The following CHODL variants were observed in gnomAD, a reference collection of about 807,000 sequenced individuals.
CHODL encodes the protein transmembrane protein MT75.
Under a neutral mutation model 34.5 loss-of-function variants are expected in CHODL, and 29 were observed. The ratio of observed to expected loss-of-function variants is 0.84; its 90% CI spans 0.63 to 1.15. The LOEUF is 1.15. CHODL is among the 50% of genes most tolerant of loss of function. The pLI is 0.00. For synonymous variants in CHODL, 125 were observed against 116.1 expected (o/e 1.08, Z -0.49); for missense variants, 332 against 332.5 (o/e 1.00, Z 0.01).
intron 2 of CHODL, among the ~76,000 whole-genome samples, chr21:18,107,934 G>A (rs2065293967): frequency 6.6e-6 from 1 of 152,194 alleles, no homozygotes; most frequent in Non-Finnish European, 1.5e-5. Context: ...TGGAAAAGAT[G>A]ACCTTTGCAT....
At chr21:17,926,760 G>GTTA (rs1420883075) in intron 1 of CHODL, among the ~76,000 whole-genome samples, 11 of 152,064 alleles carry the variant, frequency 7.2e-5, no homozygotes, top group African/African-American at 2.2e-4. Flanking sequence ...TGGGGACACA[G>GTTA]CCAAACCATA....
intron 2 of CHODL, among the ~76,000 whole-genome samples, chr21:18,108,861 GTGTGTGTGTGT>G: frequency 6.6e-6 from 1 of 151,814 alleles, no homozygotes; most frequent in Non-Finnish European, 1.5e-5. Context: ...GTGTGTGTGT[GTGTGTGTGTGT>G]TTCTTCTAAC....
intron 1 of CHODL, among the ~76,000 whole-genome samples, chr21:17,943,838 G>A (rs1228235253): frequency 6.6e-6 from 1 of 152,086 alleles, no homozygotes; most frequent in Non-Finnish European, 1.5e-5. Flanking sequence ...GCATTCCAAG[G>A]TACTTCTAGG....
At chr21:18,151,542 A>G (rs932448912) in intron 2 of CHODL, among the ~76,000 whole-genome samples, 6 of 152,164 alleles carry the variant, frequency 3.9e-5, no homozygotes, top group African/African-American at 1.4e-4. Context: ...TATGTGAGAC[A>G]CTTTAGCAAT....
At chr21:17,927,118 ATATATGTATATATATG>A (rs1214588956) in intron 1 of CHODL, among the ~76,000 whole-genome samples, 3 of 117,054 alleles carry the variant, frequency 2.6e-5, no homozygotes, top group African/African-American at 1.1e-4. Flanking sequence ...GTATATATGT[ATATATGTATATATATG>A]TATATATGTA....
At chr21:18,072,679 C>T (rs958293926) in intron 2 of CHODL, among the ~76,000 whole-genome samples, 1 of 151,686 alleles carries the variant, frequency 6.6e-6, no homozygotes, top group Non-Finnish European at 1.5e-5. Flanking sequence ...AAAAAAAAAC[C>T]CATGGATGAG....
rs114698012 is a variant in CHODL, at chr21:18,143,926, T to C, written c.-44-112583T>C. Among the ~76,000 whole-genome samples the C allele has an allele frequency of 6.9e-3, 1,050 of 152,222 alleles. 14 individuals are homozygous for C. Among genetic ancestry groups the C allele is most frequent in the African/African-American group, 0.024 (1,016 of 41,552 alleles). ...ATATTTCTTTCCCCAACCTTCTACATTGGGGTACTATAATTTCATTAACTT... is the reference window on the plus strand; with the variant it reads ...ATATTTCTTTCCCCAACCTTCTACACTGGGGTACTATAATTTCATTAACTT... On this transcript the variant is annotated intron_variant, in intron 2 of 6. Transcript: ENST00000400127.
chr21:18,259,149 T>C (rs2146818141), intron 3 of CHODL, among the ~76,000 whole-genome samples: 1 of 152,330 alleles, frequency 6.6e-6, no homozygotes, highest in East Asian at 1.9e-4. Context: ...AAAATTCTTC[T>C]CTATCCTGAA....
Position 18,021,983 on chromosome 21 carries a change from AGGGG to A in CHODL, c.-144-5888_-144-5885del, listed in dbSNP as rs2064132294. 3.9e-5 allele frequency among the ~76,000 whole-genome samples: 6 copies of A among 152,168 alleles called. 1 individual carries two copies. Among genetic ancestry groups the A allele is most frequent in the Admixed American group, 2.6e-4 (4 of 15,276 alleles). On this transcript the variant is annotated intron_variant, in intron 1 of 6. Transcript: ENST00000400127. ...AGGCCTTTGGGAGGCAATTAGGTTT[AGGGG>A]AGGTCATGAGGGTGAAGCCCCCGCC...
In CHODL at chr21:18,158,077, T is replaced by TG. The variant is rs956100800; in HGVS notation, c.-44-98432_-44-98431insG. Among the ~76,000 whole-genome samples, 20 of 151,348 alleles carry TG rather than the reference T, an allele frequency of 1.3e-4. No individual in the cohort carries two copies. In the East Asian group the frequency reaches 1.7e-3, roughly 13 times the overall value. ...TCTTGCAAGATTCCAAAAGGTTTTT[T>TG]TTTTTTTTTTAATTCAGGTGCTTGC... is the stretch of plus-strand genomic sequence containing the variant. On this transcript the variant is annotated intron_variant, in intron 2 of 6. Transcript: ENST00000400127.
intron 2 of CHODL, among the ~76,000 whole-genome samples, chr21:18,088,560 T>TGGTTTTCTCTCTTACTGTTTCCCTGC (rs1326760373): frequency 6.6e-6 from 1 of 152,198 alleles, no homozygotes; most frequent in African/African-American, 2.4e-5. Flanking sequence ...CCAAGCCCTG[T>TGGTTTTCTCTCTTACTGTTTCCCTGC]GGTTTTCTCT....
chr21:18,229,319 C>T (rs2073958310), intron 2 of CHODL, among the ~76,000 whole-genome samples: 1 of 152,102 alleles, frequency 6.6e-6, no homozygotes, highest in Admixed American at 6.6e-5. Flanking sequence ...TGGCTTACAT[C>T]ACAAAGTTTT....
chr21:17,922,119 A>G (rs1406472654), intron 1 of CHODL, among the ~76,000 whole-genome samples: 1 of 152,110 alleles, frequency 6.6e-6, no homozygotes, highest in Non-Finnish European at 1.5e-5. Context: ...ATGGCAGTAC[A>G]GTTAGAGTGA....
chr21:18,133,291 A>T (rs2072680079), intron 2 of CHODL, among the ~76,000 whole-genome samples: 1 of 152,152 alleles, frequency 6.6e-6, no homozygotes, highest in South Asian at 2.1e-4. Flanking sequence ...CTATGCCTGC[A>T]TGTACACCTA....
intron 2 of CHODL, among the ~76,000 whole-genome samples, chr21:18,232,173 T>C (rs2073985629): frequency 6.6e-6 from 1 of 152,162 alleles, no homozygotes; most frequent in Non-Finnish European, 1.5e-5. Flanking sequence ...TTTAAAATGA[T>C]ATAAATTATT....
At chr21:18,034,571 A>G (rs1048840810) in intron 2 of CHODL, 3 of 152,070 alleles carry the variant, frequency 2.0e-5, no homozygotes, top group Admixed American at 2.0e-4. Context: ...GTGGTCTAAT[A>G]GAAGTGGAAT....
At chr21:18,051,503 A>T (rs1206356289) in intron 2 of CHODL, among the ~76,000 whole-genome samples, 4 of 150,074 alleles carry the variant, frequency 2.7e-5, no homozygotes, top group Non-Finnish European at 5.9e-5. Flanking sequence ...TCATTTGCTG[A>T]TGCTACTAGT....
At chr21:18,177,505 A>G (rs571369992) in intron 2 of CHODL, among the ~76,000 whole-genome samples, 6 of 152,132 alleles carry the variant, frequency 3.9e-5, no homozygotes, top group Admixed American at 1.3e-4. Flanking sequence ...CTTTATCTCA[A>G]TGGAATCCAT....
chr21:17,963,075 AT>A (rs56045517), intron 1 of CHODL, among the ~76,000 whole-genome samples: 50,571 of 105,784 alleles, frequency 0.48, 9,077 homozygotes, highest in Middle Eastern at 0.62. Flanking sequence ...AAAAAAAAAA[AT>A]AATAATAATA....
Sources: allele counts gnomAD v4.1 joint callset (sites outside exome capture counted in the v4.1 genomes callset), GRCh38; gene constraint gnomAD v4.1.1; transcripts MANE v1.5; gene names NCBI Gene and HGNC (gene_info 2026-07-23, HGNC 2026-07-21).